Variants in ADGRL3 observed in about 807,000 individuals in gnomAD.
ADGRL3 encodes adhesion G protein-coupled receptor L3, also known as calcium-independent alpha-latrotoxin receptor 3.
In ADGRL3, 62 loss-of-function variants were observed where a neutral mutation model predicts 153.5. That is an observed-to-expected ratio of 0.40 (90% CI 0.33 to 0.50). The LOEUF is 0.50. ADGRL3 is among the 20% of genes least tolerant of loss of function. The pLI is 0.47. For missense variants in ADGRL3, 1,641 were observed against 1,859.4 expected, an observed-to-expected ratio of 0.88 and a Z score of 2.16; for synonymous variants, 710 against 672.5, an observed-to-expected ratio of 1.06 and a Z score of -0.86.
At chr4:61,334,506 A>G (rs958038880) in intron 1 of ADGRL3, among the ~76,000 whole-genome samples, 2 of 152,168 alleles carry the variant, frequency 1.3e-5, no homozygotes, top group South Asian at 4.1e-4. Context: ...AGTGACGACT[A>G]TCAAAAGAAA....
intron 15 of ADGRL3, among the ~76,000 whole-genome samples, chr4:61,936,903 A>G (rs1177614826): frequency 6.6e-6 from 1 of 152,110 alleles, no homozygotes; most frequent in African/African-American, 2.4e-5. Flanking sequence ...AACCAACTTA[A>G]TACTAATATT....
chr4:61,853,486 T>G (rs2149184672), intron 9 of ADGRL3, among the ~76,000 whole-genome samples: 1 of 152,352 alleles, frequency 6.6e-6, no homozygotes, highest in East Asian at 1.9e-4. Context: ...TTTTACTACT[T>G]AATTTCACTT....
chr4:61,747,188 A>G (rs1469706778), intron 8 of ADGRL3, among the ~76,000 whole-genome samples: 1 of 151,804 alleles, frequency 6.6e-6, no homozygotes, highest in Non-Finnish European at 1.5e-5. Context: ...TAGACCAATA[A>G]CAGGCTCTGA....
At chr4:61,790,903 T>C (rs891552398) in intron 8 of ADGRL3, among the ~76,000 whole-genome samples, 2 of 152,078 alleles carry the variant, frequency 1.3e-5, no homozygotes, top group African/African-American at 4.8e-5. Flanking sequence ...AACCATCAGA[T>C]CTCATGAGAC....
chr4:61,407,012 G>C (rs1175043807), intron 2 of ADGRL3, among the ~76,000 whole-genome samples: 1 of 151,994 alleles, frequency 6.6e-6, no homozygotes, highest in Non-Finnish European at 1.5e-5. Flanking sequence ...GATTAACTTA[G>C]TCTGATTTGT....
intron 1 of ADGRL3, among the ~76,000 whole-genome samples, chr4:61,231,688 A>G (rs975504230): frequency 1.3e-5 from 2 of 151,902 alleles, no homozygotes; most frequent in African/African-American, 2.4e-5. Context: ...GTAACGGTCT[A>G]TTTACTTGCT....
intron 1 of ADGRL3, among the ~76,000 whole-genome samples, chr4:61,283,587 T>C (rs910913817): frequency 2.0e-5 from 3 of 152,016 alleles, no homozygotes; most frequent in African/African-American, 7.2e-5. Flanking sequence ...CTCTCCTCAT[T>C]TGCAACTTCA....
chr4:61,885,049 G>T (rs1419634520), intron 9 of ADGRL3, among the ~76,000 whole-genome samples: 1 of 151,946 alleles, frequency 6.6e-6, no homozygotes, highest in Non-Finnish European at 1.5e-5. Flanking sequence ...GGCCCAGGCG[G>T]GTGGATCACT....
rs1747306067 is a variant in ADGRL3 at position 62,076,839 on chromosome 4, T to C, written c.*5931T>C. The C allele has an allele frequency of 6.6e-6, 1 of 151,814 alleles. No individual in the cohort carries two copies. The highest frequency in any genetic ancestry group is 6.6e-5 in the Admixed American group (1 of 15,208). The allele number at this position is 151,814 out of a possible 1,614,324, so 9.4% of individuals were successfully genotyped here. On this transcript the variant is annotated 3_prime_UTR_variant, in exon 27 of 27. Coordinates refer to ENST00000683033, the MANE Select transcript of ADGRL3 (RefSeq NM_001387552.1). ...ACACCAACAGAGTTAATGCTTTTAG[T>C]AGCTTTGTACCTTTTAAAGCTCTAT...
At chr4:61,346,455 G>T (rs1442044534) in intron 1 of ADGRL3, among the ~76,000 whole-genome samples, 1 of 151,706 alleles carries the variant, frequency 6.6e-6, no homozygotes, top group Non-Finnish European at 1.5e-5. Context: ...TTTGATCATT[G>T]TGGTGGTGTC....
intron 8 of ADGRL3, among the ~76,000 whole-genome samples, chr4:61,788,004 A>G (rs560719595): frequency 2.6e-5 from 4 of 152,342 alleles, no homozygotes; most frequent in African/African-American, 9.6e-5. Flanking sequence ...CAACATATAT[A>G]CATATGCCAC....
rs186576193 is a variant in ADGRL3 at position 61,967,027 on chromosome 4, C to A, written c.2806-12536C>A. On this transcript the variant is annotated intron_variant, in intron 17 of 26. Coordinates refer to ENST00000683033, the MANE Select transcript of ADGRL3 (RefSeq NM_001387552.1). Reference sequence around the variant, plus strand: ...GCCAATGGGAAATAGCACTGCAAGACCAAAAATATGCTTAGTACACCATAA... The same window carrying A: ...GCCAATGGGAAATAGCACTGCAAGAACAAAAATATGCTTAGTACACCATAA... 6.1e-4 allele frequency among the ~76,000 whole-genome samples: 93 copies of A among 152,064 alleles called. 2 individuals are homozygous for A. In the South Asian group the frequency reaches 0.014, roughly 23 times the overall value.
chr4:61,900,179 T>C (rs561966302), intron 11 of ADGRL3, among the ~76,000 whole-genome samples: 1 of 152,200 alleles, frequency 6.6e-6, no homozygotes, highest in African/African-American at 2.4e-5. Flanking sequence ...ATGTGCTCAC[T>C]GTATGTCACC....
chr4:61,303,847 G>T (rs575155748), intron 1 of ADGRL3, among the ~76,000 whole-genome samples: 2 of 152,100 alleles, frequency 1.3e-5, no homozygotes, highest in East Asian at 3.9e-4. Context: ...ATTTTGAATG[G>T]TTACACAAAA....
At chr4:61,708,584 C>T (rs571978652) in intron 6 of ADGRL3, among the ~76,000 whole-genome samples, 11 of 151,132 alleles carry the variant, frequency 7.3e-5, no homozygotes, top group African/African-American at 2.7e-4. Context: ...GGTACATTTG[C>T]AGGATGTGTA....
At chr4:61,394,699 A>G (rs1381423853) in intron 2 of ADGRL3, among the ~76,000 whole-genome samples, 1 of 152,030 alleles carries the variant, frequency 6.6e-6, no homozygotes, top group Non-Finnish European at 1.5e-5. Context: ...AAATAAAGAA[A>G]TTGGATTGCT....
At chr4:61,960,659 T>G (rs906673797) in intron 17 of ADGRL3, among the ~76,000 whole-genome samples, 1 of 152,216 alleles carries the variant, frequency 6.6e-6, no homozygotes, top group Non-Finnish European at 1.5e-5. Context: ...TCCTAAATGA[T>G]GTAATGATGT....
At chr4:61,970,419 A>G (rs915945866) in intron 17 of ADGRL3, among the ~76,000 whole-genome samples, 6 of 151,600 alleles carry the variant, frequency 4.0e-5, no homozygotes, top group African/African-American at 1.5e-4. Flanking sequence ...GTTTTCTTTC[A>G]TTCGTTATGG....
At chr4:61,905,979 CATT>C (rs2098693859) in intron 11 of ADGRL3, among the ~76,000 whole-genome samples, 1 of 151,148 alleles carries the variant, frequency 6.6e-6, no homozygotes, top group Non-Finnish European at 1.5e-5. Context: ...AAAATTTTAA[CATT>C]ATAAGTAAGG....
Sources: allele counts gnomAD v4.1 joint callset (sites outside exome capture counted in the v4.1 genomes callset), GRCh38; gene constraint gnomAD v4.1.1; transcripts MANE v1.5; gene names NCBI Gene and HGNC (gene_info 2026-07-23, HGNC 2026-07-21).